ADGRG1: variants seen among roughly 807,000 people sequenced by gnomAD.
ADGRG1 encodes the protein adhesion G protein-coupled receptor G1.
Under a neutral mutation model 73.5 loss-of-function variants are expected in ADGRG1, and 53 were observed. That is an observed-to-expected ratio of 0.72 (90% CI 0.58 to 0.91). ADGRG1 has a LOEUF of 0.91. Ranked by LOEUF, ADGRG1 falls within the 40% of genes least tolerant of loss-of-function variation. The probability of loss-of-function intolerance (pLI) is 0.00; values close to 1 mark genes in which losing one functional copy is unlikely to be tolerated. For missense variants in ADGRG1, 795 were observed against 871.8 expected (o/e 0.91, Z 1.11); for synonymous variants, 394 against 374.4 (o/e 1.05, Z -0.60).
intron 5 of ADGRG1, among the ~76,000 whole-genome samples, chr16:57,654,414 C>CA (rs1412784429): frequency 7.4e-6 from 1 of 135,258 alleles, no homozygotes; most frequent in Non-Finnish European, 1.6e-5. Flanking sequence ...CACGCACCCC[C>CA]CCCCCCCGTT....
chr16:57,634,574 G>A (rs1244191320), intron 1 of ADGRG1: 3 of 703,330 alleles, frequency 4.3e-6, no homozygotes, highest in East Asian at 2.7e-4. Context: ...AGAGCTCGGA[G>A]CAGTCAGTGG....
intron 3 of ADGRG1, 148 bp from the exon 4 acceptor site, chr16:57,653,055 C>A: frequency 6.5e-7 from 1 of 1,538,762 alleles, no homozygotes; most frequent in Non-Finnish European, 8.7e-7. Context: ...TTGGCAGAGT[C>A]CACTCTGCTT....
chr16:57,637,150 T>C (rs1237894195), intron 1 of ADGRG1: 1 of 201,570 alleles, frequency 5.0e-6, no homozygotes, highest in African/African-American at 2.4e-5. Context: ...GGGAGTAGGC[T>C]TGTGGTCACT....
At chr16:57,626,999 T>TC (rs2035967977), upstream of ADGRG1, 1 of 985,448 alleles carries the variant, frequency 1.0e-6, no homozygotes, top group Non-Finnish European at 1.2e-6. Flanking sequence ...ATGGGCCCAG[T>TC]CCCCACTGTG....
upstream of ADGRG1, chr16:57,628,324 CT>C: frequency 2.2e-6 from 1 of 454,942 alleles, no homozygotes; most frequent in East Asian, 1.5e-4. Flanking sequence ...GAGACTGGCC[CT>C]GGGAGGCGAC....
chr16:57,637,818 A>T, intron 1 of ADGRG1: 1 of 514,982 alleles, frequency 1.9e-6, no homozygotes, highest in Non-Finnish European at 2.5e-6. Flanking sequence ...TCTGCCAGAA[A>T]TCATCCCAAA....
intron 1 of ADGRG1, chr16:57,648,539 T>G (rs2043234143): frequency 1.2e-5 from 12 of 980,098 alleles, no homozygotes; most frequent in Non-Finnish European, 1.5e-5. Flanking sequence ...CAGGTTTATT[T>G]GAGGGAGGAC....
intron 1 of ADGRG1, among the ~76,000 whole-genome samples, chr16:57,649,281 C>T (rs755871874): frequency 3.9e-5 from 6 of 152,196 alleles, no homozygotes; most frequent in Non-Finnish European, 7.3e-5. Context: ...CCTTCACTGT[C>T]CATCCCCACA....
At chr16:57,633,709 G>T (rs2038614390) in intron 1 of ADGRG1, among the ~76,000 whole-genome samples, 1 of 152,226 alleles carries the variant, frequency 6.6e-6, no homozygotes, top group South Asian at 2.1e-4. Flanking sequence ...TAAGTGCTGA[G>T]TGCAGGGCTG....
rs1437256640 is a variant in ADGRG1 at position 57,663,800 on chromosome 16, G to T, written c.*218G>T. The stretch of plus-strand genomic sequence containing the variant: ...ACTCGGCTCTCACTCAGCTCCCACG[G>T]GACTCAGAAGTGCGCCGCCATGCTG... On this transcript the variant is annotated 3_prime_UTR_variant, in exon 14 of 14. Coordinates refer to ENST00000562631, the MANE Select transcript of ADGRG1 (RefSeq NM_201525.4). 3.3e-6 allele frequency: 2 copies of T among 609,014 alleles called. No homozygotes were observed. Among genetic ancestry groups the T allele is most frequent in the Non-Finnish European group, 2.9e-6 (1 of 342,414 alleles). 37.7% of individuals were successfully genotyped at this position (609,014 alleles called of 1,614,324 possible). A position where few individuals can be genotyped will look rare whatever the true frequency, so the allele number is the denominator to read the frequency against.
rs141818231 is a variant in ADGRG1, at chr16:57,652,611, A to G, written c.488-592A>G. 3.2e-3 allele frequency: 3,120 copies of G among 984,632 alleles called. 5 individuals are homozygous for G. Among genetic ancestry groups the G allele is most frequent in the Middle Eastern group, 4.2e-3 (8 of 1,912 alleles). The allele number at this position is 984,632 out of a possible 1,614,324, so 61.0% of individuals were successfully genotyped here. A position where few individuals can be genotyped will look rare whatever the true frequency, so the allele number is the denominator to read the frequency against. On this transcript the variant is annotated intron_variant, in intron 3 of 13. Coordinates refer to ENST00000562631, the MANE Select transcript of ADGRG1 (RefSeq NM_201525.4). ...GGTTTTTAAAAAACATGGACCAGGG[A>G]TTTCAAATCACCTAAAACCCAGGCT... is the stretch of plus-strand genomic sequence containing the variant.
At chr16:57,631,654 G>A (rs1428061676) in intron 1 of ADGRG1, 3 of 985,160 alleles carry the variant, frequency 3.0e-6, no homozygotes, top group Non-Finnish European at 3.6e-6. Flanking sequence ...AGTCAGGGGT[G>A]ACCAGACACA....
chr16:57,631,142 A>G (rs2037778028), intron 1 of ADGRG1: 1 of 985,980 alleles, frequency 1.0e-6, no homozygotes. Context: ...GAGCAGCTTC[A>G]CGTGTGAGGG....
In ADGRG1 at chr16:57,628,849, A is replaced by C. The variant is rs1165809671; in HGVS notation, c.-36+47A>C. ...AGCAGGTGGGAAGGGGAATAGTGTGAGTGTGAGAGTGTGAGTGTGTGAGCG... is the reference window on the plus strand; with the variant it reads ...AGCAGGTGGGAAGGGGAATAGTGTGCGTGTGAGAGTGTGAGTGTGTGAGCG... On this transcript the variant is annotated intron_variant, in intron 1 of 13. Coordinates refer to ENST00000562631, the MANE Select transcript of ADGRG1 (RefSeq NM_201525.4). 24 of 983,622 alleles carry C rather than the reference A, an allele frequency of 2.4e-5. 1 individual carries two copies. Among genetic ancestry groups the C allele is most frequent in the Non-Finnish European group, 2.8e-5 (23 of 828,860 alleles). The allele number at this position is 983,622 out of a possible 1,614,324, so 60.9% of individuals were successfully genotyped here.
At chr16:57,620,473 C>T (rs1041143679), upstream of ADGRG1, among the ~76,000 whole-genome samples, 3 of 152,318 alleles carry the variant, frequency 2.0e-5, no homozygotes, top group Admixed American at 6.5e-5. Flanking sequence ...TGAGCATGGA[C>T]GGGAGGCAGG....
intron 10 of ADGRG1, among the ~76,000 whole-genome samples, chr16:57,657,955 TG>T (rs1201568910): frequency 6.6e-6 from 1 of 152,010 alleles, no homozygotes; most frequent in African/African-American, 2.4e-5. Flanking sequence ...TTGCTCAGGC[TG>T]GTCTCGAACT....
At chr16:57,635,051 A>T in intron 1 of ADGRG1, 1 of 985,272 alleles carries the variant, frequency 1.0e-6, no homozygotes. Flanking sequence ...GACCCAGCTG[A>T]AGAGGACTGG....
At chr16:57,634,850 T>G (rs1391364990) in intron 1 of ADGRG1, among the ~76,000 whole-genome samples, 2 of 152,242 alleles carry the variant, frequency 1.3e-5, no homozygotes, top group Non-Finnish European at 2.9e-5. Flanking sequence ...CACATGGGTC[T>G]TTCTAGCCGC....
chr16:57,620,756 A>C (rs534034860), upstream of ADGRG1: 1 of 152,440 alleles, frequency 6.6e-6, no homozygotes, highest in African/African-American at 2.4e-5. Flanking sequence ...TGCAAGAGGC[A>C]GGAGGAGAAC....
Sources: allele counts gnomAD v4.1 joint callset (sites outside exome capture counted in the v4.1 genomes callset), GRCh38; gene constraint gnomAD v4.1.1; transcripts MANE v1.5; gene names NCBI Gene and HGNC (gene_info 2026-07-23, HGNC 2026-07-21).